The following HDHD5 variants were observed in gnomAD, a reference collection of about 807,000 sequenced individuals.
HDHD5 encodes the protein haloacid dehalogenase-like hydrolase domain-containing 5.
Under a neutral mutation model 35.5 loss-of-function variants are expected in HDHD5, and 34 were observed. The observed-to-expected ratio is 0.96, with a 90% CI of 0.73 to 1.28. The LOEUF is 1.28. Among genes scored for constraint, HDHD5 ranks in the 50% most tolerant of loss-of-function variants. The pLI, the probability that HDHD5 is intolerant of heterozygous loss-of-function variation, is 0.00. For synonymous variants in HDHD5, 248 were observed against 240.6 expected (o/e 1.03, Z -0.29); for missense variants, 589 against 560.2 (o/e 1.05, Z -0.52).
chr22:17,141,265 C>A, intron 5 of HDHD5, 32 bp from the exon 6 acceptor site: 1 of 1,563,592 alleles, frequency 6.4e-7, no homozygotes, highest in Non-Finnish European at 8.6e-7. Flanking sequence ...GTGAGGGCTG[C>A]AGGGCAGATG....
chr22:17,144,260 CTT>C (rs35703354), intron 4 of HDHD5, among the ~76,000 whole-genome samples: 5 of 145,914 alleles, frequency 3.4e-5, no homozygotes, highest in Admixed American at 6.9e-5. Context: ...GGGCTTTTTC[CTT>C]TTTTTTTTTT....
rs1432240354 is a variant in HDHD5, at chr22:17,153,386, G to A, written c.127-3641C>T. On this transcript the variant is annotated intron_variant, in intron 1 of 7. Transcript: ENST00000336737. ...AGTCTCAAATTCAGCTGGCAACTCG[G>A]CAGCACCTCAGAGAAAACAGGGGAC... Among the ~76,000 whole-genome samples the A allele has an allele frequency of 2.0e-5, 3 of 152,118 alleles. No homozygotes were observed. In the East Asian group the frequency reaches 5.8e-4, roughly 29 times the overall value.
Position 17,138,163 on chromosome 22 carries a change from AC to A in HDHD5, c.1129del (p.Val377SerfsTer28), listed in dbSNP as rs1235859544. ...GAATGGAGGCTCCCCTCCTCCAAGG[AC>A]AGGCTCCGTGGACTGTGGGTTCCTG... ...NPRNPQSTEP[V>X]LGGGEPPFHG... is the part of the protein sequence containing the mutation. On this transcript the variant is annotated frameshift_variant, in exon 8 of 8. Coordinates refer to ENST00000336737, the MANE Select transcript of HDHD5 (RefSeq NM_033070.3). LOFTEE classifies it high-confidence loss of function. 3 of 1,614,110 alleles carry A rather than the reference AC, an allele frequency of 1.9e-6. No individual in the cohort carries two copies. Among genetic ancestry groups the A allele is most frequent in the Admixed American group, 3.3e-5 (2 of 60,022 alleles).
In HDHD5 at chr22:17,149,587, T is replaced by C. The variant is rs374271236; in HGVS notation, c.285A>G (p.Leu95=). 5.6e-6 allele frequency: 9 copies of C among 1,612,748 alleles called. No individual in the cohort carries two copies. In the Admixed American group the frequency reaches 1.3e-4, roughly 24 times the overall value. ...VVFVTNAGNI[L]QHSKAQELSA... ...ACAGCTCCTGGGCTTTGCTGTGTTGTAAGATGTTCCCAGCATTTGTAACAA... is the reference window on the plus strand; with the variant it reads ...ACAGCTCCTGGGCTTTGCTGTGTTGCAAGATGTTCCCAGCATTTGTAACAA... Residue 95 remains leucine (L), a synonymous_variant, in exon 2 of 8, where the codon TTA becomes TTG. Coordinates refer to ENST00000336737, the MANE Select transcript of HDHD5 (RefSeq NM_033070.3).
chr22:17,165,054 ACACT>A (rs1336416591), intron 1 of HDHD5, among the ~76,000 whole-genome samples: 2 of 152,158 alleles, frequency 1.3e-5, no homozygotes, highest in Non-Finnish European at 2.9e-5. Context: ...ACACACATAC[ACACT>A]CAGTCTTGCT....
At chr22:17,141,607 A>T in intron 5 of HDHD5, 1 of 1,060,526 alleles carries the variant, frequency 9.4e-7, no homozygotes, top group East Asian at 9.7e-5. Flanking sequence ...CTTCTCTCTG[A>T]GCCCCAGGGA....
intron 1 of HDHD5, 45 bp from the exon 2 acceptor site, chr22:17,149,790 AACAACCCTTACAAAGAG>A: frequency 6.4e-7 from 1 of 1,562,610 alleles, no homozygotes; most frequent in Non-Finnish European, 8.8e-7. Flanking sequence ...GTAACAAAGA[AACAACCCTTACAAAGAG>A]AGGCTCAACA....
chr22:17,159,081 G>T, intron 1 of HDHD5, 45 bp downstream of exon 1: 1 of 1,228,598 alleles, frequency 8.1e-7, no homozygotes. Context: ...CCCCGCCTCC[G>T]GCCCTGAGTG....
chr22:17,138,923 C>G (rs5748895), intron 6 of HDHD5, among the ~76,000 whole-genome samples, 185 bp from the exon 7 acceptor site: 1 of 152,192 alleles, frequency 6.6e-6, no homozygotes, highest in African/African-American at 2.4e-5. Context: ...CAGAAAAACT[C>G]TATGAGATGA....
chr22:17,159,594 C>A (rs1272499392), upstream of HDHD5: 5 of 425,522 alleles, frequency 1.2e-5, no homozygotes, highest in Admixed American at 5.3e-5. Context: ...CCCTCAGCTT[C>A]GCGGACTGTC....
Position 17,138,842 on chromosome 22 carries a change from T to C in HDHD5, c.747-104A>G. The C allele has an allele frequency of 7.8e-6, 10 of 1,285,400 alleles. No individual in the cohort carries two copies. The South Asian group carries it at 1.3e-4, about 17-fold the overall frequency. The allele number at this position is 1,285,400 out of a possible 1,614,324, so 79.6% of individuals were successfully genotyped here. On this transcript the variant is annotated intron_variant, in intron 6 of 7. Transcript: ENST00000336737. ...GCAGCAAACACACAGACCAGCCTTT[T>C]CCCCAGGGTAAGAGCTGACATGTAG...
chr22:17,154,741 G>GC (rs2061766706), intron 1 of HDHD5, among the ~76,000 whole-genome samples: 1 of 150,818 alleles, frequency 6.6e-6, no homozygotes, highest in East Asian at 1.9e-4. Flanking sequence ...TCCTGCTTCA[G>GC]CTTCCCAAGT....
chr22:17,145,118 C>A lies in HDHD5; in HGVS notation c.444-1G>T, dbSNP rs774184853. 6.2e-7 allele frequency: 1 copy of A among 1,614,050 alleles called. No homozygotes were observed. Among genetic ancestry groups the A allele is most frequent in the South Asian group, 1.1e-5 (1 of 91,080 alleles). ...GGTGACGACATTTCGGAAGCCCAGT[C>A]TGGAGCAAGCTCAGGAAGTAATGCT... On this transcript the variant is annotated splice_acceptor_variant, in intron 3 of 7. Transcript: ENST00000336737. LOFTEE classifies it high-confidence loss of function.
At position 17,138,533 on chromosome 22, in the gene HDHD5, G is replaced by C. The variant is rs766430183; in HGVS notation, c.935+17C>G. On this transcript the variant is annotated intron_variant, in intron 7 of 7. Coordinates refer to ENST00000336737, the MANE Select transcript of HDHD5 (RefSeq NM_033070.3). ...GGGATGTCATAAAAGGGACAAAGGAGGGAGAGCAGAGCCTACCCCACAGCA... is the reference window on the plus strand; with the variant it reads ...GGGATGTCATAAAAGGGACAAAGGACGGAGAGCAGAGCCTACCCCACAGCA... 2 of 1,610,740 alleles carry C rather than the reference G, an allele frequency of 1.2e-6. No individual in the cohort carries two copies. The highest frequency in any genetic ancestry group is 2.2e-5 in the East Asian group (1 of 44,834).
At chr22:17,148,216 T>G (rs1325618867) in intron 3 of HDHD5, among the ~76,000 whole-genome samples, 1 of 152,152 alleles carries the variant, frequency 6.6e-6, no homozygotes, top group African/African-American at 2.4e-5. Context: ...CTGGGATCTG[T>G]ATTTTAAGCT....
At chr22:17,143,169 G>A (rs371838901) in intron 4 of HDHD5, 38 bp from the exon 5 acceptor site, 22 of 1,597,946 alleles carry the variant, frequency 1.4e-5, no homozygotes, top group South Asian at 5.7e-5. Context: ...AACACAAGTC[G>A]CCTTCCACTC....
rs750434201 is a variant in HDHD5, at chr22:17,138,333, G to A, written c.960C>T (p.Tyr320=). 1.1e-5 allele frequency: 17 copies of A among 1,613,578 alleles called. No individual in the cohort carries two copies. The highest frequency in any genetic ancestry group is 5.3e-5 in the African/African-American group (4 of 74,906). The change falls in exon 8 of 8, where the codon TAC becomes TAT. Residue 320 remains tyrosine, a synonymous_variant. Transcript: ENST00000336737. ...GGTACTGGTGGAACAGGTTGGCGCCGTATACGTCAGACATAGGGTTATCAC... is the reference window on the plus strand; with the variant it reads ...GGTACTGGTGGAACAGGTTGGCGCCATATACGTCAGACATAGGGTTATCAC... The part of the protein sequence containing the change: ...AVGDNPMSDV[Y]GANLFHQYLQ...
chr22:17,138,759 GCAGTT>G (rs1285447367), intron 6 of HDHD5, 21 bp from the exon 7 acceptor site: 1 of 1,613,748 alleles, frequency 6.2e-7, no homozygotes, highest in African/African-American at 1.3e-5. Flanking sequence ...CGAGCACGCA[GCAGTT>G]CAGTCTTCCT....
At chr22:17,147,873 A>G (rs894429169) in intron 3 of HDHD5, among the ~76,000 whole-genome samples, 8 of 152,256 alleles carry the variant, frequency 5.3e-5, no homozygotes, top group African/African-American at 1.9e-4. Context: ...CCTCCAGCAC[A>G]AGCCCTTGAT....
Sources: gnomAD v4.1 joint callset for allele counts (sites outside exome capture counted in the v4.1 genomes callset) on GRCh38, gnomAD v4.1.1 for gene constraint, MANE v1.5 for transcripts, NCBI Gene and HGNC (gene_info 2026-07-23, HGNC 2026-07-21) for gene names.